The following ARB2A variants were observed in gnomAD, a reference collection of about 807,000 sequenced individuals.
ARB2A encodes the protein ARB2 cotranscriptional regulator A, also known as cotranscriptional regulator ARB2A.
chr5:93,723,254 C>T, the ARB2A span, among the ~76,000 whole-genome samples: 6 of 152,134 alleles, frequency 3.9e-5, no homozygotes, highest in Non-Finnish European at 7.4e-5. Context: ...GCCCTACAAC[C>T]TTAACCTGTT....
At chr5:93,926,957 A>G in the ARB2A span, among the ~76,000 whole-genome samples, 1 of 151,864 alleles carries the variant, frequency 6.6e-6, no homozygotes, top group African/African-American at 2.4e-5. Context: ...AAAATGATGC[A>G]GGAGATTCAA....
At chr5:93,860,534 G>C in the ARB2A span, 1 of 151,622 alleles carries the variant, frequency 6.6e-6, no homozygotes, top group Non-Finnish European at 1.5e-5. Context: ...TGCATATTTA[G>C]TAAACTATAA....
the ARB2A span, among the ~76,000 whole-genome samples, chr5:93,928,596 T>C: frequency 6.6e-6 from 1 of 152,264 alleles, no homozygotes; most frequent in South Asian, 2.1e-4. Context: ...GAACACATCA[T>C]AACAGACTTA....
chr5:93,995,006 T>C, the ARB2A span, among the ~76,000 whole-genome samples: 1 of 151,884 alleles, frequency 6.6e-6, no homozygotes. Flanking sequence ...CCATAAAATA[T>C]ACAAAAAAAA....
chr5:94,018,610 G>C, the ARB2A span, among the ~76,000 whole-genome samples: 3 of 152,028 alleles, frequency 2.0e-5, no homozygotes, highest in African/African-American at 7.2e-5. Flanking sequence ...TTTTCCATCT[G>C]TTTGTGTCCT....
chr5:94,068,520 C>T, the ARB2A span, among the ~76,000 whole-genome samples: 561 of 152,232 alleles, frequency 3.7e-3, no homozygotes, highest in Non-Finnish European at 5.3e-3. Flanking sequence ...GGGAGGGGAC[C>T]CAAAGGGGGT....
At chr5:93,867,458 G>A in the ARB2A span, among the ~76,000 whole-genome samples, 1 of 151,856 alleles carries the variant, frequency 6.6e-6, no homozygotes, top group South Asian at 2.1e-4. Flanking sequence ...TCGCTCTGTC[G>A]CCAGGCTGGA....
the ARB2A span, among the ~76,000 whole-genome samples, chr5:93,665,811 T>C: frequency 6.6e-6 from 1 of 152,206 alleles, no homozygotes; most frequent in Non-Finnish European, 1.5e-5. Context: ...CTACCGAGCT[T>C]TTTATCTGCA....
At chr5:94,105,145 G>C in the ARB2A span, among the ~76,000 whole-genome samples, 2 of 151,958 alleles carry the variant, frequency 1.3e-5, no homozygotes, top group Non-Finnish European at 2.9e-5. Flanking sequence ...TTCAGCCAAA[G>C]CAATTAGGCA....
the ARB2A span, among the ~76,000 whole-genome samples, chr5:94,089,974 C>T: frequency 6.6e-6 from 1 of 151,938 alleles, no homozygotes; most frequent in Admixed American, 6.6e-5. Flanking sequence ...ATGATTTAAT[C>T]AATGAACCAA....
the ARB2A span, among the ~76,000 whole-genome samples, chr5:93,724,872 G>A: frequency 6.6e-6 from 1 of 152,088 alleles, no homozygotes; most frequent in Non-Finnish European, 1.5e-5. Flanking sequence ...GCCCTTTGGG[G>A]TCATTATTAA....
chr5:93,824,408 A>G, the ARB2A span: 1 of 464,702 alleles, frequency 2.2e-6, no homozygotes, highest in Non-Finnish European at 3.5e-6. Context: ...AATATAAAAG[A>G]ACTACATTGA....
chr5:93,991,242 C>T, the ARB2A span, among the ~76,000 whole-genome samples: 359 of 152,200 alleles, frequency 2.4e-3, no homozygotes, highest in African/African-American at 8.3e-3. Context: ...AAAAAGGTCA[C>T]AACTCATAAG....
At chr5:93,945,692 A>G in the ARB2A span, among the ~76,000 whole-genome samples, 3 of 152,154 alleles carry the variant, frequency 2.0e-5, no homozygotes, top group East Asian at 1.9e-4. Context: ...TCAAAACCAC[A>G]TAAGAGCTAA....
the ARB2A span, among the ~76,000 whole-genome samples, chr5:93,794,681 G>A: frequency 6.6e-6 from 1 of 152,248 alleles, no homozygotes; most frequent in South Asian, 2.1e-4. Context: ...AGTTGTTTTT[G>A]CTCTTCTGGG....
At chr5:94,108,167 T>C in the ARB2A span, among the ~76,000 whole-genome samples, 3 of 152,118 alleles carry the variant, frequency 2.0e-5, no homozygotes, top group Non-Finnish European at 4.4e-5. Context: ...TGTTTCTTCA[T>C]CCTGTTTGGC....
At chr5:93,725,848 C>A in the ARB2A span, among the ~76,000 whole-genome samples, 1 of 152,060 alleles carries the variant, frequency 6.6e-6, no homozygotes, top group Admixed American at 6.6e-5. Flanking sequence ...GCTTACATGT[C>A]CTCCTGGTCT....
chr5:93,631,833 C>T, the ARB2A span, among the ~76,000 whole-genome samples: 1 of 151,862 alleles, frequency 6.6e-6, no homozygotes, highest in Admixed American at 6.6e-5. Flanking sequence ...GAGAGAGAAG[C>T]TAGCGCAGGG....
the ARB2A span, among the ~76,000 whole-genome samples, chr5:93,697,621 A>T: frequency 6.6e-6 from 1 of 152,206 alleles, no homozygotes; most frequent in Non-Finnish European, 1.5e-5. Context: ...TTTAATCTTA[A>T]TGAAAAAAAT....
Sources: gnomAD v4.1 joint callset for allele counts (sites outside exome capture counted in the v4.1 genomes callset) on GRCh38, gnomAD v4.1.1 for gene constraint, MANE v1.5 for transcripts, NCBI Gene and HGNC (gene_info 2026-07-23, HGNC 2026-07-21) for gene names.